UPF2: variants seen among roughly 807,000 people sequenced by gnomAD.
The protein encoded by UPF2 is regulator of nonsense transcripts 2.
UPF2 carries 17 observed loss-of-function variants against 141.4 expected under a neutral mutation model. That is an observed-to-expected ratio of 0.12 (90% CI 0.08 to 0.18). The LOEUF (loss-of-function observed/expected upper bound fraction) is 0.18, where lower values mean the gene tolerates loss of function less well. UPF2 is among the 10% of genes least tolerant of loss of function. The probability of loss-of-function intolerance (pLI) is 1.00; values close to 1 mark genes in which losing one functional copy is unlikely to be tolerated. For missense variants in UPF2, 1,152 were observed against 1,515.9 expected, an observed-to-expected ratio of 0.76 and a Z score of 3.99; for synonymous variants, 540 against 498.0, an observed-to-expected ratio of 1.08 and a Z score of -1.12.
chr10:11,948,297 A>T (rs1833030139), intron 16 of UPF2, 72 bp downstream of exon 16: 15 of 1,457,054 alleles, frequency 1.0e-5, no homozygotes, highest in Non-Finnish European at 1.4e-5. Flanking sequence ...TGTATTAAAA[A>T]AATTTTGGCT....
chr10:12,007,435 G>A (rs1400523471), intron 4 of UPF2, among the ~76,000 whole-genome samples: 1 of 151,978 alleles, frequency 6.6e-6, no homozygotes, highest in African/African-American at 2.4e-5. Context: ...ACTTTTGAGA[G>A]GTAAAAATAC....
rs1347577464 is a variant in UPF2, at chr10:12,019,676, T to A, written c.1146-5492A>T. On this transcript the variant is annotated intron_variant, in intron 3 of 21. Coordinates refer to ENST00000357604, the MANE Select transcript of UPF2 (RefSeq NM_015542.4). The surrounding 1 kb of genome is among the most constrained non-coding windows in gnomAD (Gnocchi z 4.5). The stretch of plus-strand genomic sequence containing the variant: ...CGGCAACATACGTGAGACATCACTG[T>A]CCAGAAGAATCTCTAAAGTACGTCA... 1.3e-5 allele frequency among the ~76,000 whole-genome samples: 2 copies of A among 152,240 alleles called. No individual in the cohort carries two copies. Among genetic ancestry groups the A allele is most frequent in the African/African-American group, 4.8e-5 (2 of 41,478 alleles).
intron 8 of UPF2, among the ~76,000 whole-genome samples, chr10:11,986,225 A>G (rs1015827763): frequency 6.6e-6 from 1 of 152,130 alleles, no homozygotes; most frequent in South Asian, 2.1e-4. Flanking sequence ...ATCTCATAAG[A>G]TGGCGAAAAT....
chr10:11,995,425 G>A (rs1200439133), intron 8 of UPF2, among the ~76,000 whole-genome samples: 3 of 152,154 alleles, frequency 2.0e-5, no homozygotes, highest in Non-Finnish European at 2.9e-5. Context: ...TATGTGCTGG[G>A]TATAAAGCAG....
chr10:12,028,502 C>A (rs770459460), intron 3 of UPF2, among the ~76,000 whole-genome samples: 2 of 152,080 alleles, frequency 1.3e-5, no homozygotes, highest in African/African-American at 2.4e-5. Context: ...AATACACATC[C>A]ACAAAGCAAA....
chr10:12,038,027 T>C (rs767328394), intron 1 of UPF2, among the ~76,000 whole-genome samples: 11 of 152,152 alleles, frequency 7.2e-5, no homozygotes, highest in Non-Finnish European at 5.9e-5. Context: ...CTAATAGCTG[T>C]AGTTAACCCC....
At chr10:12,011,114 T>C (rs866539042) in intron 4 of UPF2, among the ~76,000 whole-genome samples, 2 of 152,180 alleles carry the variant, frequency 1.3e-5, no homozygotes, top group East Asian at 1.9e-4. Context: ...CCCAAGTAGC[T>C]AGGACTACAG....
Position 12,004,563 on chromosome 10 carries a change from G to T in UPF2, c.1471C>A (p.Gln491Lys). ...TCATCTTTGTTGGACTCTTTATTCT[G>T]ACAACTTTTTTCATTGTCTTTAAAC... The part of the protein sequence containing the change: ...ILFKDNEKSC[Q>K]NKESNKDDTK... Residue 491 changes from glutamine to lysine, a missense_variant, in exon 5 of 22, where the codon CAG (glutamine) becomes AAG (lysine). This residue lies in a region of UPF2 where 739 missense variants were observed against 1,032.2 expected (regional missense o/e 0.72). Coordinates refer to ENST00000357604, the MANE Select transcript of UPF2 (RefSeq NM_015542.4). 6.2e-7 allele frequency: 1 copy of T among 1,612,888 alleles called. No individual in the cohort carries two copies. Among genetic ancestry groups the T allele is most frequent in the South Asian group, 1.1e-5 (1 of 90,958 alleles).
chr10:11,940,390 G>A lies in UPF2; in HGVS notation c.3378+2275C>T, dbSNP rs1007671645. Among the ~76,000 whole-genome samples the A allele has an allele frequency of 9.9e-5, 15 of 152,198 alleles. No individual in the cohort carries two copies. Among genetic ancestry groups the A allele is most frequent in the African/African-American group, 9.6e-5 (4 of 41,510 alleles). On this transcript the variant is annotated intron_variant, in intron 18 of 21. Coordinates refer to ENST00000357604, the MANE Select transcript of UPF2 (RefSeq NM_015542.4). This position sits in a 1 kb window ranked among gnomAD's most constrained non-coding sequence, Gnocchi z 4.2. ...CTCTTCTCTGTCCACACTTTACACCGGGGATGAATCATTTGTTCCGATGCT... is the reference window on the plus strand; with the variant it reads ...CTCTTCTCTGTCCACACTTTACACCAGGGATGAATCATTTGTTCCGATGCT...
chr10:11,930,110 T>C (rs1444554809), intron 20 of UPF2, 125 bp from the exon 21 acceptor site: 3 of 1,353,786 alleles, frequency 2.2e-6, no homozygotes, highest in African/African-American at 1.5e-5. Context: ...TAAAGAAAAA[T>C]AGCCATTATA....
intron 4 of UPF2, among the ~76,000 whole-genome samples, chr10:12,008,926 G>A (rs1834083202): frequency 6.6e-6 from 1 of 151,996 alleles, no homozygotes; most frequent in Admixed American, 6.6e-5. Flanking sequence ...TCCCACTTAT[G>A]AGTGAGAACA....
intron 16 of UPF2, among the ~76,000 whole-genome samples, chr10:11,943,401 T>C (rs977200998): frequency 1.3e-5 from 2 of 152,220 alleles, no homozygotes; most frequent in Non-Finnish European, 2.9e-5. Context: ...CAGAGATCTA[T>C]TGTAGAAGCT....
chr10:11,924,532 T>C (rs1202777328), intron 21 of UPF2, among the ~76,000 whole-genome samples: 1 of 151,800 alleles, frequency 6.6e-6, no homozygotes, highest in African/African-American at 2.4e-5. Flanking sequence ...GAACTGAGAT[T>C]GTGTCACTGC....
intron 10 of UPF2, among the ~76,000 whole-genome samples, chr10:11,964,713 T>C (rs1418612410): frequency 2.0e-5 from 3 of 152,220 alleles, no homozygotes; most frequent in Non-Finnish European, 2.9e-5. Context: ...CTACATAATA[T>C]GAACGAGATT....
chr10:11,973,419 T>C (rs963041654), intron 9 of UPF2, among the ~76,000 whole-genome samples: 16 of 152,368 alleles, frequency 1.1e-4, no homozygotes, highest in African/African-American at 3.6e-4. Flanking sequence ...CTGGCTTTTG[T>C]TGCCATTGCT....
intron 14 of UPF2, 134 bp from the exon 15 acceptor site, chr10:11,952,383 A>G: frequency 1.4e-6 from 1 of 713,312 alleles, no homozygotes; most frequent in Middle Eastern, 4.1e-4. Context: ...TACCATTTCT[A>G]TTAATGGTCA....
intron 8 of UPF2, among the ~76,000 whole-genome samples, chr10:11,981,081 C>T (rs538429935): frequency 1.2e-4 from 18 of 151,884 alleles, no homozygotes; most frequent in Non-Finnish European, 2.2e-4. Flanking sequence ...CCCAGCTACT[C>T]GGGCCTGGGA....
chr10:12,024,742 G>A lies in UPF2; in HGVS notation c.1145+4003C>T, dbSNP rs571999093. On this transcript the variant is annotated intron_variant, in intron 3 of 21. Transcript: ENST00000357604. ...GACCCCAGAAGTTTGAGATCAGCCTGAGCAACATAGGGAGCTCCCTCTCTA... is the reference window on the plus strand; with the variant it reads ...GACCCCAGAAGTTTGAGATCAGCCTAAGCAACATAGGGAGCTCCCTCTCTA... 2.0e-5 allele frequency among the ~76,000 whole-genome samples: 3 copies of A among 152,064 alleles called. No homozygotes were observed. The East Asian group carries it at 5.8e-4, about 29-fold the overall frequency.
intron 2 of UPF2, among the ~76,000 whole-genome samples, chr10:12,034,332 T>A: frequency 6.6e-6 from 1 of 150,938 alleles, no homozygotes. Flanking sequence ...ATTTTATTTT[T>A]TTTTTTTTGA....
Sources: allele counts gnomAD v4.1 joint callset (sites outside exome capture counted in the v4.1 genomes callset), GRCh38; gene constraint gnomAD v4.1.1; regional missense constraint gnomAD v4.1.1; non-coding constraint Gnocchi (gnomAD v3.1); transcripts MANE v1.5; gene names NCBI Gene and HGNC (gene_info 2026-07-23, HGNC 2026-07-21).